SLC9A2: variants seen among roughly 807,000 people sequenced by gnomAD.
SLC9A2 encodes the protein solute carrier family 9 member A2.
A neutral mutation model predicts 71.7 loss-of-function variants in SLC9A2; 42 were observed. The observed-to-expected ratio is 0.59, with a 90% confidence interval of 0.46 to 0.76. The LOEUF (loss-of-function observed/expected upper bound fraction) is 0.76. SLC9A2 is among the 30% of genes least tolerant of loss of function. SLC9A2 has a pLI of 0.00. For synonymous variants in SLC9A2, 396 were observed against 392.5 expected, an observed-to-expected ratio of 1.01 and a Z score of -0.10; for missense variants, 829 against 1,017.4, an observed-to-expected ratio of 0.81 and a Z score of 2.52.
Position 102,708,411 on chromosome 2 carries a change from C to G in SLC9A2, c.2361C>G (p.Pro787=). The part of the protein sequence containing the change: ...REDSLTEGIP[P]KPPPRLVWRA... ...ACAGTTTGACTGAAGGCATCCCGCC[C>G]AAGCCGCCACCACGGCTGGTCTGGA... The change falls in exon 12 of 12, where the codon CCC becomes CCG. Residue 787 remains proline, a synonymous_variant. Transcript: ENST00000233969. 4.3e-6 allele frequency: 7 copies of G among 1,614,218 alleles called. No individual in the cohort carries two copies. Among genetic ancestry groups the G allele is most frequent in the Non-Finnish European group, 5.9e-6 (7 of 1,180,048 alleles).
At chr2:102,673,823 G>C (rs1195249797) in intron 3 of SLC9A2, among the ~76,000 whole-genome samples, 1 of 145,154 alleles carries the variant, frequency 6.9e-6, no homozygotes, top group Non-Finnish European at 1.5e-5. Context: ...GTCTCACTCT[G>C]TCGCCCAGGC....
chr2:102,625,252 G>A (rs557724473), intron 1 of SLC9A2, among the ~76,000 whole-genome samples: 1 of 152,240 alleles, frequency 6.6e-6, no homozygotes, highest in Non-Finnish European at 1.5e-5. Flanking sequence ...CAATTTGGGT[G>A]TCTTCTAGAA....
intron 1 of SLC9A2, among the ~76,000 whole-genome samples, chr2:102,632,121 C>CAT (rs1553423377): frequency 1.1e-4 from 10 of 95,070 alleles, no homozygotes; most frequent in African/African-American, 4.5e-4. Context: ...TGTATATATA[C>CAT]ATATATACAT....
chr2:102,632,007 T>G (rs1340809731), intron 1 of SLC9A2, among the ~76,000 whole-genome samples: 1,554 of 37,528 alleles, frequency 0.041, 128 homozygotes, highest in African/African-American at 0.11. Flanking sequence ...TATATATATA[T>G]ATATATATAT....
At chr2:102,659,202 T>TGGA (rs1677003300) in intron 2 of SLC9A2, among the ~76,000 whole-genome samples, 1 of 149,756 alleles carries the variant, frequency 6.7e-6, no homozygotes, top group Non-Finnish European at 1.5e-5. Context: ...CTGAGGCAGG[T>TGGA]GGATCACTTG....
chr2:102,666,686 G>A (rs1452974281), intron 3 of SLC9A2, among the ~76,000 whole-genome samples: 2 of 152,172 alleles, frequency 1.3e-5, no homozygotes, highest in East Asian at 1.9e-4. Context: ...TCACTTTGAA[G>A]GAGGCGGAGG....
At chr2:102,660,685 G>C (rs1200497560) in intron 2 of SLC9A2, among the ~76,000 whole-genome samples, 2 of 152,134 alleles carry the variant, frequency 1.3e-5, no homozygotes, top group Non-Finnish European at 2.9e-5. Context: ...ACTTTGGAAA[G>C]GTATTAAAAA....
At chr2:102,629,577 A>G (rs956410163) in intron 1 of SLC9A2, among the ~76,000 whole-genome samples, 6 of 152,088 alleles carry the variant, frequency 3.9e-5, no homozygotes, top group Admixed American at 2.0e-4. Context: ...GTATAATGAT[A>G]TATTTTGACT....
At chr2:102,674,908 C>T (rs1573420980) in intron 3 of SLC9A2, among the ~76,000 whole-genome samples, 1 of 152,202 alleles carries the variant, frequency 6.6e-6, no homozygotes. Context: ...ACAGAGAAAT[C>T]GAGCTTTATA....
chr2:102,633,454 C>T (rs967461914), intron 1 of SLC9A2, among the ~76,000 whole-genome samples: 4 of 152,116 alleles, frequency 2.6e-5, no homozygotes, highest in Admixed American at 2.0e-4. Context: ...ATGCTTGACC[C>T]GTAGGCCTCA....
chr2:102,662,030 A>G (rs959658383), intron 2 of SLC9A2, among the ~76,000 whole-genome samples: 1 of 152,338 alleles, frequency 6.6e-6, no homozygotes, highest in Admixed American at 6.5e-5. Context: ...GGTTCATTGT[A>G]AAACAGGTGG....
At chr2:102,687,190 C>T (rs998336475) in intron 5 of SLC9A2, among the ~76,000 whole-genome samples, 1 of 152,134 alleles carries the variant, frequency 6.6e-6, no homozygotes, top group African/African-American at 2.4e-5. Context: ...GTGCACAGAT[C>T]GGAGACTGCG....
chr2:102,638,925 C>A (rs1676521218), intron 1 of SLC9A2, among the ~76,000 whole-genome samples: 1 of 152,128 alleles, frequency 6.6e-6, no homozygotes. Context: ...GGCTTATGCC[C>A]ATAATCCCAA....
At chr2:102,681,825 T>A (rs892193060) in intron 3 of SLC9A2, among the ~76,000 whole-genome samples, 7 of 152,202 alleles carry the variant, frequency 4.6e-5, no homozygotes, top group African/African-American at 9.6e-5. Context: ...GGCACAAAAA[T>A]AAACATACCT....
rs552593152 is a variant in SLC9A2 at position 102,658,918 on chromosome 2, G to C, written c.753+891G>C. On this transcript the variant is annotated intron_variant, in intron 2 of 11. Transcript: ENST00000233969. ...GTTTTCTGTTAGCCACAGCTCGGTA[G>C]TAGTAAAGGTGACAGTAATGATAGC... is the stretch of plus-strand genomic sequence containing the variant. Among the ~76,000 whole-genome samples, 7 of 152,238 alleles carry C rather than the reference G, an allele frequency of 4.6e-5. No individual in the cohort carries two copies. The East Asian group carries it at 1.2e-3, about 25-fold the overall frequency.
intron 1 of SLC9A2, among the ~76,000 whole-genome samples, chr2:102,638,986 C>A (rs1020989857): frequency 6.6e-6 from 1 of 152,184 alleles, no homozygotes; most frequent in African/African-American, 2.4e-5. Context: ...GAGTTTGAGA[C>A]CAGCATGGTC....
At chr2:102,622,230 G>A (rs534836228) in intron 1 of SLC9A2, among the ~76,000 whole-genome samples, 98 of 152,122 alleles carry the variant, frequency 6.4e-4, no homozygotes, top group South Asian at 1.3e-3. Flanking sequence ...AGGGAGTGGC[G>A]GTATTAATAC....
At chr2:102,658,080 C>T in intron 2 of SLC9A2, 53 bp downstream of exon 2, 1 of 1,376,178 alleles carries the variant, frequency 7.3e-7, no homozygotes, top group Admixed American at 1.9e-5. Flanking sequence ...GCCCAGCCAC[C>T]TGCAGTGGCT....
intron 1 of SLC9A2, among the ~76,000 whole-genome samples, chr2:102,656,587 A>C (rs1192657010): frequency 2.0e-5 from 3 of 152,224 alleles, no homozygotes; most frequent in Non-Finnish European, 4.4e-5. Context: ...TTCTTGAGGC[A>C]TCCTGACGAA....
Sources: gnomAD v4.1 joint callset for allele counts (sites outside exome capture counted in the v4.1 genomes callset) on GRCh38, gnomAD v4.1.1 for gene constraint, MANE v1.5 for transcripts, NCBI Gene and HGNC (gene_info 2026-07-23, HGNC 2026-07-21) for gene names.